NALF1: variants seen among roughly 807,000 people sequenced by gnomAD.
NALF1 encodes NALCN channel auxiliary factor 1.
A neutral mutation model predicts 48.4 loss-of-function variants in NALF1; 3 were observed. The ratio of observed to expected loss-of-function variants is 0.06; its 90% CI spans 0.03 to 0.16. The LOEUF (loss-of-function observed/expected upper bound fraction) is 0.16. NALF1 is among the 10% of genes least tolerant of loss of function. The probability of loss-of-function intolerance (pLI) is 1.00; values close to 1 mark genes in which losing one functional copy is unlikely to be tolerated. For synonymous variants in NALF1, 262 were observed against 245.7 expected (o/e 1.07, Z -0.62); for missense variants, 526 against 571.5 (o/e 0.92, Z 0.81).
At position 107,416,531 on chromosome 13, in the gene NALF1, C is replaced by T. The variant is rs529690890; in HGVS notation, c.916-205776G>A. The stretch of plus-strand genomic sequence containing the variant: ...ACTTAAATAATAGTAAATATATTTT[C>T]TCCTCCTTATGACTTTCTGGAAACC... On this transcript the variant is annotated intron_variant, in intron 1 of 2. Transcript: ENST00000375915. 3.0e-4 allele frequency among the ~76,000 whole-genome samples: 46 copies of T among 152,254 alleles called. 1 individual carries two copies. In the South Asian group the frequency reaches 9.1e-3, roughly 30 times the overall value.
intron 1 of NALF1, among the ~76,000 whole-genome samples, chr13:107,838,846 T>G (rs1276889766): frequency 2.6e-5 from 4 of 152,216 alleles, no homozygotes; most frequent in Non-Finnish European, 5.9e-5. Flanking sequence ...GTTTTGAGTA[T>G]GAAAGTCATT....
intron 2 of NALF1, among the ~76,000 whole-genome samples, chr13:107,183,327 A>G (rs1879105777): frequency 6.6e-6 from 1 of 152,190 alleles, no homozygotes; most frequent in Non-Finnish European, 1.5e-5. Context: ...TCTGAACATT[A>G]AAAAGTTAGG....
intron 1 of NALF1, among the ~76,000 whole-genome samples, chr13:107,481,193 G>A (rs1460519736): frequency 6.6e-6 from 1 of 152,110 alleles, no homozygotes. Flanking sequence ...AGCTTAATTA[G>A]TGCAATTAAA....
At chr13:107,755,456 T>C (rs1044988314) in intron 1 of NALF1, among the ~76,000 whole-genome samples, 2 of 151,872 alleles carry the variant, frequency 1.3e-5, no homozygotes, top group Middle Eastern at 3.2e-3. Context: ...CAGTTACATA[T>C]GAGTTTATCC....
Position 107,234,856 on chromosome 13 carries a change from G to T in NALF1, c.916-24101C>A, listed in dbSNP as rs372762444. ...TTTGGTAATGACAGTTTGACTGATT[G>T]ACACACAGAATCCCTTCCTAACATT... On this transcript the variant is annotated intron_variant, in intron 1 of 2. Coordinates refer to ENST00000375915, the MANE Select transcript of NALF1 (RefSeq NM_001080396.3). 9.9e-5 allele frequency among the ~76,000 whole-genome samples: 15 copies of T among 152,276 alleles called. No individual in the cohort carries two copies. The East Asian group carries it at 2.9e-3, about 29-fold the overall frequency.
At chr13:107,744,075 T>C (rs945451219) in intron 1 of NALF1, among the ~76,000 whole-genome samples, 1 of 151,720 alleles carries the variant, frequency 6.6e-6, no homozygotes, top group African/African-American at 2.4e-5. Flanking sequence ...AAGACAGAGG[T>C]ATATATTAGA....
intron 1 of NALF1, among the ~76,000 whole-genome samples, chr13:107,270,811 C>T (rs1881148274): frequency 7.3e-6 from 1 of 136,654 alleles, no homozygotes; most frequent in South Asian, 2.8e-4. Context: ...CTATCCCTCC[C>T]CCCTCCCTCC....
chr13:107,174,512 C>T (rs1240251633), intron 2 of NALF1, among the ~76,000 whole-genome samples: 1 of 151,894 alleles, frequency 6.6e-6, no homozygotes, highest in East Asian at 1.9e-4. Context: ...CCCGCCAACA[C>T]ACCTGGCTAA....
intron 1 of NALF1, among the ~76,000 whole-genome samples, chr13:107,675,357 G>A (rs1199099408): frequency 6.6e-6 from 1 of 152,108 alleles, no homozygotes; most frequent in Non-Finnish European, 1.5e-5. Flanking sequence ...TGGCATCACC[G>A]CCCAGAAGAT....
At chr13:107,425,881 G>A (rs1884270934) in intron 1 of NALF1, among the ~76,000 whole-genome samples, 1 of 151,968 alleles carries the variant, frequency 6.6e-6, no homozygotes, top group Admixed American at 6.6e-5. Flanking sequence ...TATGATATTG[G>A]ATGTCTACAT....
chr13:107,504,318 G>A (rs1875625796), intron 1 of NALF1, among the ~76,000 whole-genome samples: 1 of 150,834 alleles, frequency 6.6e-6, no homozygotes, highest in African/African-American at 2.4e-5. Flanking sequence ...GAAATGGAAA[G>A]ATGTAGGTCC....
At chr13:107,606,708 G>A (rs1056486427) in intron 1 of NALF1, among the ~76,000 whole-genome samples, 5 of 151,946 alleles carry the variant, frequency 3.3e-5, no homozygotes, top group African/African-American at 7.3e-5. Context: ...AATATTTGTT[G>A]ACAAATTAAA....
rs934368676 is a variant in NALF1, at chr13:107,338,176, G to A, written c.916-127421C>T. Among the ~76,000 whole-genome samples the A allele has an allele frequency of 5.3e-5, 8 of 152,120 alleles. No individual in the cohort carries two copies. In the South Asian group the frequency reaches 1.7e-3, roughly 32 times the overall value. ...TTTAAAATAATAATGAAAAATATTT[G>A]CTAAATTTGAGCTCTTACTATGTGC... On this transcript the variant is annotated intron_variant, in intron 1 of 2. Transcript: ENST00000375915.
At chr13:107,261,455 C>T (rs1043799947) in intron 1 of NALF1, among the ~76,000 whole-genome samples, 2 of 152,188 alleles carry the variant, frequency 1.3e-5, no homozygotes, top group African/African-American at 4.8e-5. Context: ...TTTTGCTCTA[C>T]AATCTGACTC....
chr13:107,590,145 AATC>A (rs1878565463), intron 1 of NALF1, among the ~76,000 whole-genome samples: 2 of 152,064 alleles, frequency 1.3e-5, no homozygotes, highest in African/African-American at 4.8e-5. Context: ...GAAAATGTTT[AATC>A]TTTATTTAGC....
chr13:107,546,556 G>A (rs1014119226), intron 1 of NALF1, among the ~76,000 whole-genome samples: 1 of 152,076 alleles, frequency 6.6e-6, no homozygotes, highest in South Asian at 2.1e-4. Flanking sequence ...AAAAGAGCTC[G>A]AGCTAAAACC....
intron 1 of NALF1, among the ~76,000 whole-genome samples, chr13:107,403,188 C>CTTTTTTTTTTTTTTTTTTTTTTTTTTTTT (rs10710356): frequency 2.4e-5 from 1 of 42,488 alleles, no homozygotes. Context: ...CTTGTTCGGG[C>CTTTTTTTTTTTTTTTTTTTTTTTTTTTTT]TTTTTTTTTT....
At chr13:107,843,726 T>C (rs1188483341) in intron 1 of NALF1, among the ~76,000 whole-genome samples, 2 of 152,016 alleles carry the variant, frequency 1.3e-5, no homozygotes, top group Non-Finnish European at 2.9e-5. Context: ...CCTTCCCTGG[T>C]ATGGAGGCCA....
intron 1 of NALF1, among the ~76,000 whole-genome samples, chr13:107,543,874 A>T (rs1234055002): frequency 1.3e-5 from 2 of 152,076 alleles, no homozygotes; most frequent in African/African-American, 2.4e-5. Flanking sequence ...AGCGATTCAG[A>T]GGTGCAGAGA....
Sources: allele counts gnomAD v4.1 joint callset (sites outside exome capture counted in the v4.1 genomes callset), GRCh38; gene constraint gnomAD v4.1.1; transcripts MANE v1.5; gene names NCBI Gene and HGNC (gene_info 2026-07-23, HGNC 2026-07-21).